Variants in GRAMD1B observed in about 807,000 individuals in gnomAD.
The protein encoded by GRAMD1B is GRAM domain containing 1B, also known as protein Aster-B.
A neutral mutation model predicts 99.7 loss-of-function variants in GRAMD1B; 37 were observed. The observed-to-expected ratio is 0.37, with a 90% CI of 0.29 to 0.49. The LOEUF is 0.49. Among genes scored for constraint, GRAMD1B ranks in the 20% least tolerant of loss-of-function variants. GRAMD1B has a pLI of 0.98. For missense variants in GRAMD1B, 888 were observed against 1,009.2 expected (o/e 0.88, Z 1.63); for synonymous variants, 427 against 387.6 (o/e 1.10, Z -1.19).
chr11:123,458,686 G>GTTTTTTTTTTTT (rs1219399393), intron 1 of GRAMD1B: 2 of 97,542 alleles, frequency 2.1e-5, no homozygotes, highest in African/African-American at 4.6e-5. Flanking sequence ...GTGAAAGGCT[G>GTTTTTTTTTTTT]TTTTGTTTTT....
chr11:123,391,482 A>AGG (rs1947277167), intron 1 of GRAMD1B, among the ~76,000 whole-genome samples: 1 of 152,100 alleles, frequency 6.6e-6, no homozygotes, highest in Non-Finnish European at 1.5e-5. Context: ...TGAGAGAGAG[A>AGG]GTCTCGTTCT....
At chr11:123,389,383 C>CTAA (rs1947193982) in intron 1 of GRAMD1B, among the ~76,000 whole-genome samples, 1 of 121,102 alleles carries the variant, frequency 8.3e-6, no homozygotes, top group African/African-American at 3.1e-5. Flanking sequence ...GAGTCCATGT[C>CTAA]AAAAAAAAAA....
chr11:123,391,738 G>A (rs1947289043), intron 1 of GRAMD1B, among the ~76,000 whole-genome samples: 1 of 152,186 alleles, frequency 6.6e-6, no homozygotes, highest in Non-Finnish European at 1.5e-5. Context: ...TTACAGGTGT[G>A]AGCCACCACA....
chr11:123,421,155 T>A (rs1225235454), intron 1 of GRAMD1B, among the ~76,000 whole-genome samples: 1 of 152,236 alleles, frequency 6.6e-6, no homozygotes, highest in Non-Finnish European at 1.5e-5. Context: ...CATGCAGGAA[T>A]CCTGTTTATG....
chr11:123,488,651 C>A (rs1203595462), intron 2 of GRAMD1B, among the ~76,000 whole-genome samples: 1 of 139,962 alleles, frequency 7.1e-6, no homozygotes, highest in African/African-American at 2.5e-5. Context: ...CCCCACGGCC[C>A]TGACTGAAAG....
chr11:123,614,644 T>C (rs532599831), intron 16 of GRAMD1B, 101 bp from the exon 17 acceptor site: 188 of 654,634 alleles, frequency 2.9e-4, no homozygotes, highest in Non-Finnish European at 4.7e-4. Context: ...ATGGACATTT[T>C]TCCATCAGTC....
chr11:123,468,563 G>A (rs1328311742), intron 1 of GRAMD1B, among the ~76,000 whole-genome samples: 19 of 152,104 alleles, frequency 1.2e-4, no homozygotes, highest in Admixed American at 1.2e-3. Flanking sequence ...GGAGGCTGAG[G>A]CAGGTGGATT....
At chr11:123,374,517 G>A (rs539634548) in intron 1 of GRAMD1B, among the ~76,000 whole-genome samples, 2 of 152,116 alleles carry the variant, frequency 1.3e-5, no homozygotes, top group African/African-American at 4.8e-5. Flanking sequence ...CCTAACTCAC[G>A]TCTAATGCAG....
intron 2 of GRAMD1B, among the ~76,000 whole-genome samples, chr11:123,508,662 A>G (rs1323357579): frequency 4.6e-5 from 7 of 151,808 alleles, no homozygotes; most frequent in African/African-American, 1.7e-4. Context: ...AACAGAAGCA[A>G]GGTAATAAAT....
At chr11:123,535,804 T>G (rs1020297800) in intron 2 of GRAMD1B, among the ~76,000 whole-genome samples, 1 of 152,206 alleles carries the variant, frequency 6.6e-6, no homozygotes, top group African/African-American at 2.4e-5. Context: ...GCCTTTTTTT[T>G]TCTCTTTTAA....
chr11:123,384,057 G>A (rs1281849788), intron 1 of GRAMD1B, among the ~76,000 whole-genome samples: 1 of 152,002 alleles, frequency 6.6e-6, no homozygotes, highest in Non-Finnish European at 1.5e-5. Flanking sequence ...TTTTAGTAGA[G>A]ATGGGGTTTA....
intron 4 of GRAMD1B, among the ~76,000 whole-genome samples, chr11:123,589,236 G>T (rs1300804246): frequency 6.6e-6 from 1 of 151,780 alleles, no homozygotes; most frequent in East Asian, 2.0e-4. Flanking sequence ...ATATGAACCT[G>T]TTTGAGGCAT....
intron 1 of GRAMD1B, among the ~76,000 whole-genome samples, chr11:123,367,035 C>G (rs1286213907): frequency 6.6e-6 from 1 of 152,098 alleles, no homozygotes; most frequent in Non-Finnish European, 1.5e-5. Context: ...GAGATCCTTT[C>G]TCTACAAAAA....
At chr11:123,440,872 G>A (rs1181667986) in intron 1 of GRAMD1B, among the ~76,000 whole-genome samples, 1 of 152,130 alleles carries the variant, frequency 6.6e-6, no homozygotes, top group Non-Finnish European at 1.5e-5. Context: ...CCTGGTGGGA[G>A]GTAATTGAAT....
At chr11:123,590,801 C>T (rs1369709359) in intron 4 of GRAMD1B, among the ~76,000 whole-genome samples, 3 of 152,156 alleles carry the variant, frequency 2.0e-5, no homozygotes, top group South Asian at 2.1e-4. Flanking sequence ...GTTGATTAAA[C>T]GTGCCACTCT....
rs115401122 is a variant in GRAMD1B at position 123,610,765 on chromosome 11, G to C, written c.1919+427G>C. Among the ~76,000 whole-genome samples the C allele has an allele frequency of 2.0e-3, 301 of 152,278 alleles. 2 individuals carry two copies. The highest frequency in any genetic ancestry group is 7.1e-3 in the African/African-American group (294 of 41,552). ...TCTTAGAGTTGTAAACCTGTGCTCT[G>C]TCCACCATGCTGCGTGGATTGCCAT... On this transcript the variant is annotated intron_variant, in intron 14 of 19. Coordinates refer to ENST00000635736, the MANE Select transcript of GRAMD1B (RefSeq NM_001387025.1). The surrounding 1 kb of genome is among the most constrained non-coding windows in gnomAD (Gnocchi z 4.1).
chr11:123,534,408 A>C (rs1591858643), intron 2 of GRAMD1B, among the ~76,000 whole-genome samples: 1 of 152,344 alleles, frequency 6.6e-6, no homozygotes, highest in East Asian at 1.9e-4. Flanking sequence ...GGACTTGCAC[A>C]GTTCAAATCC....
At chr11:123,402,945 A>C (rs1223473936) in intron 1 of GRAMD1B, among the ~76,000 whole-genome samples, 1 of 149,336 alleles carries the variant, frequency 6.7e-6, no homozygotes, top group South Asian at 2.1e-4. Context: ...TACTGGGTAT[A>C]TATACCCAAA....
rs1188820009 is a variant in GRAMD1B at position 123,577,431 on chromosome 11, TCG to T, written c.519_520del (p.Pro174AsnfsTer54). On this transcript the variant is annotated frameshift_variant, in exon 3 of 20. Coordinates refer to ENST00000635736, the MANE Select transcript of GRAMD1B (RefSeq NM_001387025.1). LOFTEE classifies it high-confidence loss of function. ...CSPILRKRSR[S>X]PTPQNQDGDT... ...GCCCATCCTCCGGAAGCGGTCTCGC[TCG>T]CCAACCCCGCAGAACCAGGACGGAG... 1 of 1,601,954 alleles carries T rather than the reference TCG, an allele frequency of 6.2e-7. No homozygotes were observed. The highest frequency in any genetic ancestry group is 1.7e-4 in the Middle Eastern group (1 of 6,054).
Sources: gnomAD v4.1 joint callset for allele counts (sites outside exome capture counted in the v4.1 genomes callset) on GRCh38, gnomAD v4.1.1 for gene constraint, Gnocchi (gnomAD v3.1) non-coding constraint, MANE v1.5 for transcripts, NCBI Gene and HGNC (gene_info 2026-07-23, HGNC 2026-07-21) for gene names.